The following PHACTR1 variants were observed in gnomAD, a reference collection of about 807,000 sequenced individuals.
The protein encoded by PHACTR1 is RPEL repeat containing 1.
Under a neutral mutation model 69.2 loss-of-function variants are expected in PHACTR1, and 16 were observed. The observed-to-expected ratio is 0.23, with a 90% CI of 0.16 to 0.35. The LOEUF (loss-of-function observed/expected upper bound fraction) is 0.35. PHACTR1 is among the 10% of genes least tolerant of loss of function. The pLI, the probability that PHACTR1 is intolerant of heterozygous loss-of-function variation, is 1.00. For synonymous variants in PHACTR1, 312 were observed against 284.5 expected (o/e 1.10, Z -0.97); for missense variants, 510 against 734.7 (o/e 0.69, Z 3.54).
At position 12,879,519 on chromosome 6, in the gene PHACTR1, T is replaced by A. The variant is rs116325106; in HGVS notation, c.250+129729T>A. Among the ~76,000 whole-genome samples the A allele has an allele frequency of 3.9e-3, 597 of 152,302 alleles. 2 individuals carry two copies. The highest frequency in any genetic ancestry group is 0.014 in the African/African-American group (574 of 41,574). ...AGAAGTAGCAGGTCTTGTCTTCTTA[T>A]TCTTTTTTTCTCTGGCTTTCTTAGA... is the stretch of plus-strand genomic sequence containing the variant. On this transcript the variant is annotated intron_variant, in intron 4 of 14. Transcript: ENST00000332995.
At chr6:12,790,640 A>G (rs7747656) in intron 4 of PHACTR1, among the ~76,000 whole-genome samples, 55,934 of 152,068 alleles carry the variant, frequency 0.37, 11,046 homozygotes, top group African/African-American at 0.49. Flanking sequence ...TGGTGAATGG[A>G]GAGAGACTGA....
chr6:12,933,811 T>C, intron 4 of PHACTR1: 1 of 1,612,732 alleles, frequency 6.2e-7, no homozygotes, highest in Non-Finnish European at 8.5e-7. Flanking sequence ...GACAATTCTC[T>C]ACTCAGGGTA....
intron 11 of PHACTR1, chr6:13,273,909 C>G (rs546597565): frequency 7.8e-6 from 1 of 128,954 alleles, no homozygotes; most frequent in Non-Finnish European, 1.6e-5. Flanking sequence ...CCGGCCCCCC[C>G]GCCCCGCCCC....
At chr6:13,075,875 G>GT (rs1810381148) in intron 5 of PHACTR1, among the ~76,000 whole-genome samples, 1 of 152,020 alleles carries the variant, frequency 6.6e-6, no homozygotes, top group Non-Finnish European at 1.5e-5. Flanking sequence ...ACAAAATACT[G>GT]TAAGTCAAGC....
chr6:13,204,536 G>A (rs1359658116), intron 7 of PHACTR1, among the ~76,000 whole-genome samples: 1 of 152,160 alleles, frequency 6.6e-6, no homozygotes, highest in Non-Finnish European at 1.5e-5. Context: ...TCCCAGAAAT[G>A]CCCTGGGGTC....
intron 4 of PHACTR1, among the ~76,000 whole-genome samples, chr6:12,992,031 C>T (rs780576482): frequency 1.3e-5 from 2 of 151,888 alleles, no homozygotes; most frequent in Non-Finnish European, 2.9e-5. Context: ...CGACAACACA[C>T]ACATTGTTAT....
intron 10 of PHACTR1, among the ~76,000 whole-genome samples, chr6:13,239,897 G>A (rs962410689): frequency 7.2e-5 from 11 of 152,192 alleles, no homozygotes; most frequent in Admixed American, 7.2e-4. Flanking sequence ...GCCACATCTT[G>A]GAGAGCACCG....
intron 7 of PHACTR1, among the ~76,000 whole-genome samples, chr6:13,195,993 G>T (rs1375141072): frequency 6.6e-6 from 1 of 152,058 alleles, no homozygotes; most frequent in Non-Finnish European, 1.5e-5. Context: ...CACGGTTTGG[G>T]TTTATTTTCC....
At chr6:13,073,602 G>A (rs886875821) in intron 5 of PHACTR1, among the ~76,000 whole-genome samples, 2 of 151,518 alleles carry the variant, frequency 1.3e-5, no homozygotes, top group Non-Finnish European at 2.9e-5. Context: ...TCAGCCTCCC[G>A]AAGTTCTGGG....
At chr6:12,801,484 G>T (rs1395005174) in intron 4 of PHACTR1, among the ~76,000 whole-genome samples, 2 of 152,238 alleles carry the variant, frequency 1.3e-5, no homozygotes, top group South Asian at 2.1e-4. Context: ...GATTATAAGG[G>T]TTCACACATA....
chr6:13,071,068 G>A (rs1479118633), intron 5 of PHACTR1, among the ~76,000 whole-genome samples: 4 of 152,068 alleles, frequency 2.6e-5, no homozygotes, highest in South Asian at 4.2e-4. Flanking sequence ...TTACCCTGAA[G>A]GAGAGTTGGG....
chr6:13,211,184 T>C (rs1766782087), intron 8 of PHACTR1, among the ~76,000 whole-genome samples: 1 of 152,128 alleles, frequency 6.6e-6, no homozygotes, highest in Admixed American at 6.5e-5. Context: ...ATAAGTTCTT[T>C]AGTGGTGATT....
chr6:13,152,342 A>C lies in PHACTR1; in HGVS notation c.416-7862A>C, dbSNP rs543909092. On this transcript the variant is annotated intron_variant, in intron 5 of 14. Transcript: ENST00000332995. ...GAGCAAGACTCCGTCTCAAAAAAAA[A>C]AAAATTCATCAATGTCAAAGAGGCA... is the stretch of plus-strand genomic sequence containing the variant. Among the ~76,000 whole-genome samples the C allele has an allele frequency of 3.9e-5, 6 of 152,272 alleles. No homozygotes were observed. The East Asian group carries it at 1.2e-3, about 29-fold the overall frequency.
chr6:13,287,665 G>C lies in PHACTR1; in HGVS notation c.*587G>C, dbSNP rs1691402477. The C allele has an allele frequency of 6.5e-6, 1 of 152,782 alleles. No individual in the cohort carries two copies. The highest frequency in any genetic ancestry group is 1.5e-5 in the Non-Finnish European group (1 of 68,502). 9.5% of individuals were successfully genotyped at this position (152,782 alleles called of 1,614,324 possible). On this transcript the variant is annotated 3_prime_UTR_variant, in exon 15 of 15. Coordinates refer to ENST00000332995, the MANE Select transcript of PHACTR1 (RefSeq NM_030948.6). ...TCCTTTCAGCCACCACCCACACAAT[G>C]AACAAAAGGGAAGGGCCCATTTCTG...
intron 5 of PHACTR1, among the ~76,000 whole-genome samples, chr6:13,054,620 G>A (rs933294388): frequency 4.6e-5 from 7 of 152,280 alleles, no homozygotes; most frequent in East Asian, 1.9e-4. Context: ...GAGCATGTAC[G>A]TAAGCGAGTG....
chr6:12,830,308 C>T (rs937585594), intron 4 of PHACTR1, among the ~76,000 whole-genome samples: 30 of 147,872 alleles, frequency 2.0e-4, no homozygotes, highest in African/African-American at 6.5e-4. Context: ...GTGGATTGCC[C>T]TTAAGATAAG....
chr6:12,961,245 A>G (rs948689031), intron 4 of PHACTR1, among the ~76,000 whole-genome samples: 2 of 152,132 alleles, frequency 1.3e-5, no homozygotes, highest in Non-Finnish European at 2.9e-5. Flanking sequence ...TAAGAGAAAC[A>G]AAAAAAAGTA....
intron 10 of PHACTR1, among the ~76,000 whole-genome samples, chr6:13,263,747 T>A (rs776464338): frequency 1.3e-5 from 2 of 152,234 alleles, no homozygotes; most frequent in Non-Finnish European, 2.9e-5. Flanking sequence ...ACTAGTTAAA[T>A]CTACTGGCAA....
At chr6:12,857,013 G>T (rs1295750285) in intron 4 of PHACTR1, among the ~76,000 whole-genome samples, 5 of 152,130 alleles carry the variant, frequency 3.3e-5, no homozygotes, top group Non-Finnish European at 7.3e-5. Context: ...TCTGTTTGAG[G>T]AATATTGTGT....
Sources: allele counts gnomAD v4.1 joint callset (sites outside exome capture counted in the v4.1 genomes callset), GRCh38; gene constraint gnomAD v4.1.1; transcripts MANE v1.5; gene names NCBI Gene and HGNC (gene_info 2026-07-23, HGNC 2026-07-21).